Variants in SLC16A2 observed in about 807,000 individuals in gnomAD.
SLC16A2 encodes monocarboxylate transporter 8.
In SLC16A2, 3 loss-of-function variants were observed where a neutral mutation model predicts 27.2. The observed-to-expected ratio is 0.11, with a 90% CI of 0.05 to 0.28. The LOEUF (loss-of-function observed/expected upper bound fraction) is 0.28, where lower values mean the gene tolerates loss of function less well. Ranked by LOEUF, SLC16A2 falls within the 10% of genes least tolerant of loss-of-function variation. SLC16A2 has a pLI of 1.00. For missense variants in SLC16A2, 295 were observed against 458.5 expected (o/e 0.64, Z 3.26); for synonymous variants, 202 against 187.8 (o/e 1.08, Z -0.62).
chrX:74,470,713 G>A (rs138581718), intron 1 of SLC16A2, among the ~76,000 whole-genome samples: 1,441 of 111,410 alleles, frequency 0.013, 22 homozygotes, highest in African/African-American at 0.045. Flanking sequence ...TTGGGAGGCC[G>A]AGGCGGGCAG....
intron 1 of SLC16A2, among the ~76,000 whole-genome samples, chrX:74,430,533 C>T (rs866755539): frequency 1.8e-5 from 2 of 112,019 alleles, no homozygotes; most frequent in African/African-American, 6.5e-5. Flanking sequence ...ATATGCAAAG[C>T]GTCATAATTC....
chrX:74,466,525 A>C (rs748377508), intron 1 of SLC16A2, among the ~76,000 whole-genome samples: 1 of 112,493 alleles, frequency 8.9e-6, no homozygotes, highest in Non-Finnish European at 1.9e-5. Context: ...TACCTAATAC[A>C]ATGTAAATGC....
chrX:74,482,917 C>T (rs181314030), intron 1 of SLC16A2, among the ~76,000 whole-genome samples: 40 of 111,722 alleles, frequency 3.6e-4, no homozygotes, highest in African/African-American at 1.3e-3. Flanking sequence ...GTTGCCCAGG[C>T]TGGTCTTAAA....
At chrX:74,442,092 G>C (rs1928759134) in intron 1 of SLC16A2, among the ~76,000 whole-genome samples, 1 of 109,438 alleles carries the variant, frequency 9.1e-6, no homozygotes, top group Admixed American at 9.8e-5. Context: ...GCCAGACGTG[G>C]TGGCGCATTC....
intron 1 of SLC16A2, among the ~76,000 whole-genome samples, chrX:74,483,928 A>G (rs909104387): frequency 2.1e-4 from 23 of 110,977 alleles, no homozygotes; most frequent in African/African-American, 6.9e-4. Context: ...AGTGGAATAA[A>G]ACTTCTGCAA....
chrX:74,501,313 T>G (rs894503815), intron 1 of SLC16A2, among the ~76,000 whole-genome samples: 34 of 111,296 alleles, frequency 3.1e-4, no homozygotes, highest in African/African-American at 1.1e-3. Flanking sequence ...CAGAGAGACC[T>G]GTAGTATGCC....
chrX:74,467,212 T>C (rs1929267453), intron 1 of SLC16A2, among the ~76,000 whole-genome samples: 1 of 111,748 alleles, frequency 8.9e-6, no homozygotes, highest in Non-Finnish European at 1.9e-5. Context: ...GGGCCTTAGA[T>C]ATAATCTTTT....
intron 1 of SLC16A2, among the ~76,000 whole-genome samples, chrX:74,478,079 C>G (rs1328523708): frequency 9.0e-6 from 1 of 111,611 alleles, no homozygotes; most frequent in African/African-American, 3.3e-5. Context: ...CTAAGGTTGA[C>G]AGTGGGGTGT....
intron 1 of SLC16A2, chrX:74,473,614 G>A (rs1929402332): frequency 1.0e-6 from 1 of 964,660 alleles, no homozygotes; most frequent in Non-Finnish European, 1.5e-6. Flanking sequence ...CTTCTTTAAT[G>A]CCACCAACAA....
At chrX:74,458,778 C>A (rs756530195) in intron 1 of SLC16A2, among the ~76,000 whole-genome samples, 1 of 111,780 alleles carries the variant, frequency 8.9e-6, no homozygotes, top group African/African-American at 3.3e-5. Context: ...TTTCCCCATT[C>A]CCCACAACCA....
In SLC16A2 at chrX:74,521,095, C is replaced by T. The variant is rs1332546717; in HGVS notation, c.536C>T (p.Ala179Val). The change falls in exon 2 of 6, where the codon GCC (alanine) becomes GTC (valine). Residue 179 changes from alanine (A) to valine (V), a missense_variant. Physicochemically the swap from Ala to Val is moderately conservative, Grantham distance 64 (BLOSUM62 0). Coordinates refer to ENST00000587091, the MANE Select transcript of SLC16A2 (RefSeq NM_006517.5). ...GCRITATAGAAVAFIGLHTSS... is the reference protein window; with the variant it reads ...GCRITATAGAVVAFIGLHTSS... ...CGAATCACAGCAACCGCGGGGGCTGCCGTTGCTTTCATTGGCCTCCATACC... is the reference window on the plus strand; with the variant it reads ...CGAATCACAGCAACCGCGGGGGCTGTCGTTGCTTTCATTGGCCTCCATACC... The T allele has an allele frequency of 8.3e-7, 1 of 1,210,421 alleles. No homozygotes were observed. Among genetic ancestry groups the T allele is most frequent in the African/African-American group, 1.7e-5 (1 of 57,251 alleles).
intron 1 of SLC16A2, among the ~76,000 whole-genome samples, chrX:74,493,355 C>A (rs993986219): frequency 5.4e-5 from 6 of 111,837 alleles, no homozygotes; most frequent in Non-Finnish European, 9.4e-5. Flanking sequence ...AAGATAATTC[C>A]CTCCTAGAGA....
intron 1 of SLC16A2, among the ~76,000 whole-genome samples, chrX:74,432,519 CAA>C (rs905360910): frequency 3.6e-5 from 4 of 111,742 alleles, no homozygotes; most frequent in Non-Finnish European, 5.6e-5. Context: ...AACAACAAAA[CAA>C]AATTCCTAAA....
intron 1 of SLC16A2, among the ~76,000 whole-genome samples, chrX:74,482,519 A>G (rs1331407647): frequency 3.6e-5 from 4 of 111,472 alleles, no homozygotes; most frequent in Non-Finnish European, 7.5e-5. Context: ...AATTTGCACA[A>G]TATGTATTGA....
chrX:74,480,398 G>A (rs982682300), intron 1 of SLC16A2, among the ~76,000 whole-genome samples: 1 of 112,582 alleles, frequency 8.9e-6, no homozygotes, highest in Admixed American at 9.3e-5. Flanking sequence ...TTCCTTGGCT[G>A]GGAAAGGAAA....
At chrX:74,477,207 G>A (rs1003117811) in intron 1 of SLC16A2, 1 of 111,778 alleles carries the variant, frequency 8.9e-6, no homozygotes, top group African/African-American at 3.3e-5. Context: ...TTTAGTCTTG[G>A]GAGGGTGTAT....
At chrX:74,438,499 G>A (rs946514731) in intron 1 of SLC16A2, among the ~76,000 whole-genome samples, 2 of 112,570 alleles carry the variant, frequency 1.8e-5, no homozygotes, top group African/African-American at 6.5e-5. Flanking sequence ...CTGATCTTAA[G>A]CCTGAACTCA....
intron 1 of SLC16A2, among the ~76,000 whole-genome samples, chrX:74,465,692 C>G (rs1003576770): frequency 5.4e-5 from 6 of 111,592 alleles, no homozygotes; most frequent in African/African-American, 2.0e-4. Flanking sequence ...TCTTTCACAA[C>G]CAACCCCCAT....
rs1055611851 is a variant in SLC16A2 at position 74,517,395 on chromosome X, G to C, written c.431-3595G>C. Among the ~76,000 whole-genome samples the C allele has an allele frequency of 6.3e-5, 7 of 111,544 alleles. No individual in the cohort carries two copies. The Admixed American group carries it at 6.7e-4, about 11-fold the overall frequency. On this transcript the variant is annotated intron_variant, in intron 1 of 5. Transcript: ENST00000587091. ...AATCATCAGTTTTCATTATATCATA[G>C]ACATTCAGAAGGGTCAAATAATGGT...
Sources: gnomAD v4.1 joint callset for allele counts (sites outside exome capture counted in the v4.1 genomes callset) on GRCh38, gnomAD v4.1.1 for gene constraint, MANE v1.5 for transcripts, NCBI Gene and HGNC (gene_info 2026-07-23, HGNC 2026-07-21) for gene names.